DMBT1: variants seen among roughly 807,000 people sequenced by gnomAD.
DMBT1 encodes the protein deleted in malignant brain tumors 1.
In DMBT1, 198 loss-of-function variants were observed where a neutral mutation model predicts 252.9. That is an observed-to-expected ratio of 0.78 (90% CI 0.70 to 0.88). DMBT1 has a LOEUF of 0.88. Among genes scored for constraint, DMBT1 ranks in the 40% least tolerant of loss-of-function variants. The pLI, the probability that DMBT1 is intolerant of heterozygous loss-of-function variation, is 0.00. For missense variants in DMBT1, 2,432 were observed against 2,404.7 expected, an observed-to-expected ratio of 1.01 and a Z score of -0.24; for synonymous variants, 990 against 942.7, an observed-to-expected ratio of 1.05 and a Z score of -0.92.
rs372481766 is a variant in DMBT1 at position 122,576,678 on chromosome 10, C to T, written c.563C>T (p.Ser188Phe). Reference sequence around the variant, plus strand: ...AGCTGCCCCCACAATGGCTGGCTCTCCCATAACTGTGGCCATGGTGAAGAT... The same window carrying T: ...AGCTGCCCCCACAATGGCTGGCTCTTCCATAACTGTGGCCATGGTGAAGAT... ...LWSCPHNGWL[S>F]HNCGHGEDAG... Residue 188 changes from serine to phenylalanine, a missense_variant, in exon 7 of 56, where the codon TCC (serine) becomes TTC (phenylalanine). Physicochemically the swap from Ser to Phe is radical, Grantham distance 155 (BLOSUM62 -2). Around this residue, in one of 3 missense-constraint regions of DMBT1, gnomAD observed 1,264 missense variants for 1,082.2 expected, o/e 1.17. Coordinates refer to ENST00000338354, the MANE Select transcript of DMBT1 (RefSeq NM_001377530.1). 160 of 1,613,656 alleles carry T rather than the reference C, an allele frequency of 9.9e-5. No individual in the cohort carries two copies. Among genetic ancestry groups the T allele is most frequent in the Middle Eastern group, 9.9e-4 (6 of 6,078 alleles).
chr10:122,634,447 T>TC (rs2098205126), intron 52 of DMBT1, among the ~76,000 whole-genome samples: 1 of 74,832 alleles, frequency 1.3e-5, no homozygotes, highest in African/African-American at 8.0e-5. Context: ...TCTCTCTCTC[T>TC]CTCTCTCTCT....
rs372289099 is a variant in DMBT1, at chr10:122,621,093, G to T, written c.5321G>T (p.Gly1774Val). 1.9e-6 allele frequency: 3 copies of T among 1,613,548 alleles called. No individual in the cohort carries two copies. The African/African-American group carries it at 4.0e-5, about 22-fold the overall frequency. ...ESSLALRLVN[G>V]GDRCRGRVEV... ...AGTTTGGCTCTGAGGCTGGTGAATG[G>T]AGGTGACAGGTGTCGAGGCCGAGTG... The change falls in exon 44 of 56, where the codon GGA becomes GTA. Residue 1774 changes from glycine (G) to valine (V), a missense_variant. Around this residue, in one of 3 missense-constraint regions of DMBT1, gnomAD observed 1,162 missense variants for 1,169.0 expected, o/e 0.99. Coordinates refer to ENST00000338354, the MANE Select transcript of DMBT1 (RefSeq NM_001377530.1).
In DMBT1 at chr10:122,625,345, A is replaced by T. The variant is rs369498057; in HGVS notation, c.5635+42A>T. ...CCAGTCCAGCAATATTTCTCTTGGG[A>T]ATTCCACCCTCTCTTGTTTCCAGAA... On this transcript the variant is annotated intron_variant, in intron 45 of 55. Coordinates refer to ENST00000338354, the MANE Select transcript of DMBT1 (RefSeq NM_001377530.1). The T allele has an allele frequency of 3.4e-4, 541 of 1,578,612 alleles. 4 individuals are homozygous for T. In the South Asian group the frequency reaches 5.6e-3, roughly 16 times the overall value.
rs200571291 is a variant in DMBT1, at chr10:122,579,552, T to G, written c.680-26T>G. On this transcript the variant is annotated intron_variant, in intron 9 of 55. Coordinates refer to ENST00000338354, the MANE Select transcript of DMBT1 (RefSeq NM_001377530.1). ...TTCTTGACCTCATGATAGGGATGGA[T>G]GAAGGGTTCTTGTGTTCCCCTGTAG... 6.9e-4 allele frequency: 1,111 copies of G among 1,612,230 alleles called. 4 individuals are homozygous for G. The African/African-American group carries it at 0.014, about 20-fold the overall frequency.
rs190602319 is a variant in DMBT1, at chr10:122,640,121, C to T, written c.7024C>T (p.Arg2342Cys). ...GGIIKRRTDLRIHVSCRMLQN... is the reference protein window; with the variant it reads ...GGIIKRRTDLCIHVSCRMLQN... ...CATCATCAAGAGGAGGACAGACCTC[C>T]GTATTCACGTCAGCTGCAGAATGCT... Residue 2342 changes from arginine (R) to cysteine (C), a missense_variant, in exon 55 of 56, where the codon CGT becomes TGT. This residue lies in a region of DMBT1 where 1,162 missense variants were observed against 1,169.0 expected (regional missense o/e 0.99). Coordinates refer to ENST00000338354, the MANE Select transcript of DMBT1 (RefSeq NM_001377530.1). 1,947 of 1,614,044 alleles carry T rather than the reference C, an allele frequency of 1.2e-3. 7 individuals are homozygous for T. Among genetic ancestry groups the T allele is most frequent in the Non-Finnish European group, 8.6e-4 (1,016 of 1,179,906 alleles).
At position 122,601,968 on chromosome 10, in the gene DMBT1, C is replaced by T. The variant is rs1255306847; in HGVS notation, c.3515C>T (p.Pro1172Leu). The T allele has an allele frequency of 2.1e-6, 3 of 1,407,334 alleles. 1 individual carries two copies. Among genetic ancestry groups the T allele is most frequent in the Non-Finnish European group, 2.8e-6 (3 of 1,085,528 alleles). 87.2% of individuals were successfully genotyped at this position (1,407,334 alleles called of 1,614,324 possible). ...GGCTGTGGCTGGGCCATGTCAGCCC[C>T]AGGAAATGCCCGGTTTGGCCAGGGT... ...QLGCGWAMSA[P>L]GNARFGQGSG... The change falls in exon 29 of 56, where the codon CCA becomes CTA. Residue 1172 changes from proline to leucine, a missense_variant. Pro to Leu is a moderately conservative substitution (Grantham distance 98, BLOSUM62 -3). Around this residue, in one of 3 missense-constraint regions of DMBT1, gnomAD observed 6 missense variants for 153.4 expected, o/e 0.04. Coordinates refer to ENST00000338354, the MANE Select transcript of DMBT1 (RefSeq NM_001377530.1).
intron 14 of DMBT1, among the ~76,000 whole-genome samples, chr10:122,584,798 A>T (rs930285678): frequency 1.3e-5 from 2 of 149,042 alleles, no homozygotes; most frequent in Non-Finnish European, 3.0e-5. Context: ...ACTCCTTCCA[A>T]CACCCAGATT....
At chr10:122,598,572 G>A (rs1342713800) in intron 25 of DMBT1, among the ~76,000 whole-genome samples, 4 of 152,144 alleles carry the variant, frequency 2.6e-5, no homozygotes, top group African/African-American at 9.7e-5. Context: ...CCCAAAACTT[G>A]AGCCTTCATA....
At position 122,578,764 on chromosome 10, in the gene DMBT1, A is replaced by C. The variant is rs1205833284; in HGVS notation, c.679+5A>C. 1 of 1,606,382 alleles carries C rather than the reference A, an allele frequency of 6.2e-7. No homozygotes were observed. The highest frequency in any genetic ancestry group is 1.1e-5 in the South Asian group (1 of 89,072). ...CACCACCTGTACCCACAGAAGGTAA[A>C]GAATCCTCTCAACACTCCCTGGGGC... On this transcript the variant is annotated splice_donor_5th_base_variant and intron_variant, in intron 9 of 55. Coordinates refer to ENST00000338354, the MANE Select transcript of DMBT1 (RefSeq NM_001377530.1).
chr10:122,618,549 A>G (rs2098025286), intron 41 of DMBT1, among the ~76,000 whole-genome samples: 1 of 152,338 alleles, frequency 6.6e-6, no homozygotes, highest in South Asian at 2.1e-4. Flanking sequence ...CCGAACTGAA[A>G]CAACAACCCA....
At chr10:122,562,004 C>T (rs994149357) in intron 1 of DMBT1, among the ~76,000 whole-genome samples, 1 of 151,294 alleles carries the variant, frequency 6.6e-6, no homozygotes, top group Non-Finnish European at 1.5e-5. Context: ...CTATTATCAC[C>T]TTCCCTCCCC....
In DMBT1 at chr10:122,589,192, C is replaced by T. The variant is rs1270659248; in HGVS notation, c.2032C>T (p.Leu678=). Residue 678 remains leucine (L), a synonymous_variant, in exon 17 of 56, where the codon CTG becomes TTG. Coordinates refer to ENST00000338354, the MANE Select transcript of DMBT1 (RefSeq NM_001377530.1). ...GCGCTGCTCAGGACATGAGTCCTACCTGTGGAGCTGCCCCAACAATGGCTG... is the reference window on the plus strand; with the variant it reads ...GCGCTGCTCAGGACATGAGTCCTACTTGTGGAGCTGCCCCAACAATGGCTG... ...DVRCSGHESY[L]WSCPNNGWLS... is the part of the protein sequence containing the mutation. The T allele has an allele frequency of 6.3e-7, 1 of 1,588,332 alleles. No individual in the cohort carries two copies. Among genetic ancestry groups the T allele is most frequent in the Admixed American group, 1.7e-5 (1 of 59,540 alleles).
At chr10:122,637,070 G>A (rs58071111) in intron 53 of DMBT1, 58 bp from the exon 54 acceptor site, 64,706 of 1,535,908 alleles carry the variant, frequency 0.042, 1,988 homozygotes, top group South Asian at 0.14. Context: ...CTCTGGCCCC[G>A]TAGGACTTGT....
intron 43 of DMBT1, among the ~76,000 whole-genome samples, chr10:122,620,594 G>A (rs2098056376): frequency 3.3e-5 from 5 of 152,218 alleles, no homozygotes; most frequent in Admixed American, 3.3e-4. Flanking sequence ...TGGCCCTCAG[G>A]CCACAGGCTG....
rs371811667 is a variant in DMBT1 at position 122,618,099 on chromosome 10, C to T, written c.4974C>T (p.Ser1658=). 5.0e-5 allele frequency: 81 copies of T among 1,613,870 alleles called. 1 individual carries two copies. The African/African-American group carries it at 9.5e-4, about 19-fold the overall frequency. The change falls in exon 41 of 56, where the codon TCC becomes TCT. Residue 1658 remains serine, a synonymous_variant. Coordinates refer to ENST00000338354, the MANE Select transcript of DMBT1 (RefSeq NM_001377530.1). ...GAGTGGAGGTCCTATACCAAGGCTC[C>T]TGGGGCACCGTGTGTGATGACTACT... ...RGRVEVLYQG[S]WGTVCDDYWD...
chr10:122,635,776 G>C (rs1403472427), intron 52 of DMBT1, among the ~76,000 whole-genome samples: 1 of 152,064 alleles, frequency 6.6e-6, no homozygotes, highest in East Asian at 1.9e-4. Context: ...GGCTGGTCTC[G>C]AACTTATGAC....
intron 53 of DMBT1, among the ~76,000 whole-genome samples, 171 bp downstream of exon 53, chr10:122,636,370 C>T (rs2098227076): frequency 6.6e-6 from 1 of 152,186 alleles, no homozygotes; most frequent in Non-Finnish European, 1.5e-5. Context: ...ACTCTGGCTG[C>T]CCAGAAATAA....
intron 1 of DMBT1, among the ~76,000 whole-genome samples, chr10:122,563,482 T>C (rs1013106362): frequency 2.0e-5 from 3 of 151,806 alleles, no homozygotes; most frequent in Non-Finnish European, 4.4e-5. Context: ...AAGGTACCAG[T>C]GTTTGTTAGC....
intron 49 of DMBT1, among the ~76,000 whole-genome samples, 190 bp from the exon 50 acceptor site, chr10:122,631,665 A>G (rs962086787): frequency 3.3e-5 from 5 of 152,100 alleles, no homozygotes; most frequent in African/African-American, 1.2e-4. Context: ...GATGACCACA[A>G]GTATGACGGG....
Sources: gnomAD v4.1 joint callset for allele counts (sites outside exome capture counted in the v4.1 genomes callset) on GRCh38, gnomAD v4.1.1 for gene constraint, gnomAD v4.1.1 regional missense constraint, MANE v1.5 for transcripts, NCBI Gene and HGNC (gene_info 2026-07-23, HGNC 2026-07-21) for gene names.